FSTL5: variants seen among roughly 807,000 people sequenced by gnomAD.
FSTL5 encodes the protein follistatin like 5, also known as follistatin-related protein 5.
A neutral mutation model predicts 89.1 loss-of-function variants in FSTL5; 62 were observed. The observed-to-expected ratio is 0.70, with a 90% CI of 0.57 to 0.86. FSTL5 has a LOEUF of 0.86. Ranked by LOEUF, FSTL5 falls within the 40% of genes least tolerant of loss-of-function variation. The pLI is 0.00. For missense variants in FSTL5, 1,057 were observed against 1,001.6 expected (o/e 1.06, Z -0.75); for synonymous variants, 383 against 346.2 (o/e 1.11, Z -1.18).
intron 2 of FSTL5, among the ~76,000 whole-genome samples, chr4:162,033,917 G>T (rs559646741): frequency 6.6e-6 from 1 of 152,078 alleles, no homozygotes. Context: ...TCCCACCTCA[G>T]CCTCTCAAGT....
intron 1 of FSTL5, among the ~76,000 whole-genome samples, chr4:162,116,042 A>G (rs1731624486): frequency 6.6e-6 from 1 of 152,192 alleles, no homozygotes; most frequent in Non-Finnish European, 1.5e-5. Context: ...CAAAATCTCC[A>G]ACATTATCAA....
chr4:161,931,004 G>C (rs1380428289), intron 3 of FSTL5, among the ~76,000 whole-genome samples: 1 of 151,862 alleles, frequency 6.6e-6, no homozygotes, highest in Non-Finnish European at 1.5e-5. Flanking sequence ...ACTCTGTCTA[G>C]TAGGGCTCCC....
intron 14 of FSTL5, among the ~76,000 whole-genome samples, chr4:161,455,715 T>C (rs2126402471): frequency 6.6e-6 from 1 of 152,296 alleles, no homozygotes; most frequent in Non-Finnish European, 1.5e-5. Context: ...GTCAACTACA[T>C]TTAAACTAGT....
chr4:161,710,291 A>T (rs1738734167), intron 6 of FSTL5, among the ~76,000 whole-genome samples: 1 of 152,170 alleles, frequency 6.6e-6, no homozygotes. Flanking sequence ...TGATAGTCTA[A>T]ATAATATACT....
At chr4:161,977,639 A>AAAAAAAAAAAAAAAAAAAT (rs1553988132) in intron 3 of FSTL5, among the ~76,000 whole-genome samples, 5 of 101,244 alleles carry the variant, frequency 4.9e-5, no homozygotes, top group Non-Finnish European at 5.7e-5. Flanking sequence ...AAAAAAAAAA[A>AAAAAAAAAAAAAAAAAAAT]AATAATAATA....
rs547281643 is a variant in FSTL5 at position 161,836,773 on chromosome 4, A to G, written c.410-60699T>C. On this transcript the variant is annotated intron_variant, in intron 4 of 15. Transcript: ENST00000306100. Reference sequence around the variant, plus strand: ...AATAAATTTTTTAAATATTAAAAATAGAGCAAAAATGGAGATGCAAAAAAG... The same window carrying G: ...AATAAATTTTTTAAATATTAAAAATGGAGCAAAAATGGAGATGCAAAAAAG... Among the ~76,000 whole-genome samples the G allele has an allele frequency of 5.9e-5, 9 of 152,246 alleles. No homozygotes were observed. In the East Asian group the frequency reaches 1.7e-3, roughly 29 times the overall value.
Position 161,474,003 on chromosome 4 carries a change from C to T in FSTL5, c.1608+7017G>A, listed in dbSNP as rs201469876. On this transcript the variant is annotated intron_variant, in intron 13 of 15. Transcript: ENST00000306100. ...CTTTTGTTATTTTGCTACATGTCTT[C>T]TATATGCCTTACAGATTTCCCCTCT... 2.6e-5 allele frequency among the ~76,000 whole-genome samples: 4 copies of T among 152,230 alleles called. No individual in the cohort carries two copies. The East Asian group carries it at 5.8e-4, about 22-fold the overall frequency.
At chr4:161,678,829 C>G (rs1305789847) in intron 6 of FSTL5, among the ~76,000 whole-genome samples, 1 of 151,636 alleles carries the variant, frequency 6.6e-6, no homozygotes, top group Non-Finnish European at 1.5e-5. Flanking sequence ...ATTTTGATAC[C>G]TGAGAGTGAA....
chr4:161,795,338 C>A (rs762676837), intron 4 of FSTL5, among the ~76,000 whole-genome samples: 6 of 151,934 alleles, frequency 3.9e-5, no homozygotes, highest in Non-Finnish European at 7.4e-5. Context: ...TATCTGTATT[C>A]CAAAGGGGTA....
intron 6 of FSTL5, among the ~76,000 whole-genome samples, chr4:161,679,901 C>T (rs1302576287): frequency 6.6e-6 from 1 of 151,708 alleles, no homozygotes; most frequent in African/African-American, 2.4e-5. Context: ...CAATATTAAA[C>T]TGAGTACAAA....
intron 15 of FSTL5, among the ~76,000 whole-genome samples, chr4:161,391,120 T>C (rs1426271859): frequency 1.3e-5 from 2 of 152,298 alleles, no homozygotes; most frequent in African/African-American, 2.4e-5. Flanking sequence ...GCAATTCACA[T>C]CTAAAACAAA....
intron 12 of FSTL5, among the ~76,000 whole-genome samples, chr4:161,487,701 CTTTCT>C (rs765634028): frequency 5.9e-5 from 9 of 151,840 alleles, no homozygotes; most frequent in African/African-American, 1.7e-4. Flanking sequence ...TTCAGTATTT[CTTTCT>C]TTTAAGTATG....
chr4:162,131,884 G>C (rs1164424772), intron 1 of FSTL5, among the ~76,000 whole-genome samples: 1 of 152,216 alleles, frequency 6.6e-6, no homozygotes, highest in Non-Finnish European at 1.5e-5. Flanking sequence ...TATGGGTAGA[G>C]AGTGTTCGAT....
At chr4:161,557,039 C>T (rs1732418728) in intron 8 of FSTL5, among the ~76,000 whole-genome samples, 1 of 151,074 alleles carries the variant, frequency 6.6e-6, no homozygotes, top group Non-Finnish European at 1.5e-5. Context: ...CTTGGAAGTT[C>T]TCATGTAATA....
chr4:161,897,733 A>G (rs77690830), intron 4 of FSTL5, among the ~76,000 whole-genome samples: 24 of 152,092 alleles, frequency 1.6e-4, no homozygotes, highest in Non-Finnish European at 2.6e-4. Flanking sequence ...ATTAGTAACT[A>G]AAGTCTGTAG....
Position 161,847,786 on chromosome 4 carries a change from G to A in FSTL5, c.410-71712C>T, listed in dbSNP as rs359117. On this transcript the variant is annotated intron_variant, in intron 4 of 15. Coordinates refer to ENST00000306100, the MANE Select transcript of FSTL5 (RefSeq NM_020116.5). ...GTGCGGTGGCACACTCCTATAATCC[G>A]AGGACTTTGGGAGGCCAGGGCGGGA... Among the ~76,000 whole-genome samples, 365 of 151,722 alleles carry A rather than the reference G, an allele frequency of 2.4e-3. 2 individuals carry two copies. Among genetic ancestry groups the A allele is most frequent in the African/African-American group, 8.4e-3 (346 of 41,394 alleles).
intron 4 of FSTL5, among the ~76,000 whole-genome samples, chr4:161,811,108 A>G (rs999476705): frequency 4.6e-5 from 7 of 152,170 alleles, no homozygotes; most frequent in African/African-American, 1.7e-4. Context: ...ATATAAACAA[A>G]CTGACTAAAT....
intron 3 of FSTL5, among the ~76,000 whole-genome samples, chr4:161,976,413 GT>G (rs2111031660): frequency 6.6e-6 from 1 of 152,258 alleles, no homozygotes; most frequent in Admixed American, 6.5e-5. Context: ...ATTTCTCAGT[GT>G]GGGACTCAGG....
chr4:161,529,933 A>G lies in FSTL5; in HGVS notation c.1312+8233T>C, dbSNP rs1731353488. Among the ~76,000 whole-genome samples, 3 of 142,922 alleles carry G rather than the reference A, an allele frequency of 2.1e-5. 1 individual carries two copies. The highest frequency in any genetic ancestry group is 4.6e-5 in the Non-Finnish European group (3 of 65,096). The allele number at this position is 142,922 out of a possible 152,430, so 93.8% of individuals were successfully genotyped here. ...ATAATTACTAATCGATGACTTTTGC[A>G]TTTGGCTTCATTTATACCTCTTTTT... is the stretch of plus-strand genomic sequence containing the variant. On this transcript the variant is annotated intron_variant, in intron 10 of 15. Coordinates refer to ENST00000306100, the MANE Select transcript of FSTL5 (RefSeq NM_020116.5).
Sources: gnomAD v4.1 joint callset for allele counts (sites outside exome capture counted in the v4.1 genomes callset) on GRCh38, gnomAD v4.1.1 for gene constraint, MANE v1.5 for transcripts, NCBI Gene and HGNC (gene_info 2026-07-23, HGNC 2026-07-21) for gene names.